TBC1D1: variants seen among roughly 807,000 people sequenced by gnomAD.
The protein encoded by TBC1D1 is TBC1 domain family member 1, also known as TBC1 (tre-2/USP6, BUB2, cdc16) domain family, member 1.
TBC1D1 carries 89 observed loss-of-function variants against 125.6 expected under a neutral mutation model. The observed-to-expected ratio is 0.71, with a 90% CI of 0.60 to 0.85. The LOEUF (loss-of-function observed/expected upper bound fraction) is 0.85. Among genes scored for constraint, TBC1D1 ranks in the 40% least tolerant of loss-of-function variants. The probability of loss-of-function intolerance (pLI) is 0.00; values close to 1 mark genes in which losing one functional copy is unlikely to be tolerated. For synonymous variants in TBC1D1, 565 were observed against 564.1 expected (o/e 1.00, Z -0.02); for missense variants, 1,377 against 1,469.2 (o/e 0.94, Z 1.03).
At chr4:38,034,213 T>C (rs1418996394) in intron 7 of TBC1D1, among the ~76,000 whole-genome samples, 2 of 152,264 alleles carry the variant, frequency 1.3e-5, no homozygotes, top group Non-Finnish European at 1.5e-5. Flanking sequence ...GATTGTGGCA[T>C]TACTGCCACT....
intron 2 of TBC1D1, chr4:37,961,089 CAT>C: frequency 6.4e-7 from 1 of 1,555,040 alleles, no homozygotes; most frequent in Non-Finnish European, 8.9e-7. Flanking sequence ...ATTAATAAAG[CAT>C]TATTTGTTTA....
rs770979820 is a variant in TBC1D1, at chr4:37,902,073, T to C, written c.-23T>C. 1.9e-6 allele frequency: 3 copies of C among 1,558,930 alleles called. No homozygotes were observed. The highest frequency in any genetic ancestry group is 2.6e-6 in the Non-Finnish European group (3 of 1,153,570). On this transcript the variant is annotated 5_prime_UTR_variant, in exon 2 of 20. Coordinates refer to ENST00000261439, the MANE Select transcript of TBC1D1 (RefSeq NM_015173.4). ...AGAAAAACAGTGATAACTGTTTTGC[T>C]GAGTTCCCAGACCCTTCCCAAGATG...
At chr4:38,070,368 G>A (rs1205941329) in intron 12 of TBC1D1, among the ~76,000 whole-genome samples, 8 of 152,236 alleles carry the variant, frequency 5.3e-5, no homozygotes, top group Admixed American at 5.2e-4. Context: ...GATGGTCCAG[G>A]TGTCGCTGGA....
intron 2 of TBC1D1, among the ~76,000 whole-genome samples, chr4:37,955,120 A>G (rs1039686255): frequency 6.6e-6 from 1 of 152,040 alleles, no homozygotes; most frequent in Non-Finnish European, 1.5e-5. Context: ...CTCACTTTTT[A>G]TTTTTATTTG....
chr4:37,905,880 C>G (rs1048034652), intron 2 of TBC1D1, among the ~76,000 whole-genome samples: 1 of 152,126 alleles, frequency 6.6e-6, no homozygotes, highest in African/African-American at 2.4e-5. Context: ...GATCTTGATC[C>G]CACCCGTTTA....
At chr4:38,115,986 C>T (rs995360082) in intron 16 of TBC1D1, 32 bp downstream of exon 18, 11 of 1,603,962 alleles carry the variant, frequency 6.9e-6, no homozygotes, top group East Asian at 6.7e-5. Context: ...TTTAATACAA[C>T]AAAATGCTAA....
chr4:38,106,031 G>C (rs769900415), intron 15 of TBC1D1, among the ~76,000 whole-genome samples: 20 of 152,280 alleles, frequency 1.3e-4, no homozygotes, highest in Admixed American at 5.2e-4. Context: ...TCCCCCGCCT[G>C]TCCTTAGTAT....
intron 14 of TBC1D1, among the ~76,000 whole-genome samples, chr4:38,099,575 TA>T (rs1208377137): frequency 6.6e-6 from 1 of 152,224 alleles, no homozygotes; most frequent in East Asian, 1.9e-4. Context: ...CTTTCTTCTT[TA>T]TACCTCTTGC....
chr4:38,048,636 A>G (rs1331601271), intron 10 of TBC1D1, among the ~76,000 whole-genome samples: 2 of 149,636 alleles, frequency 1.3e-5, no homozygotes, highest in Non-Finnish European at 2.9e-5. Context: ...TCTCCAGTCC[A>G]CTGTTAGATG....
intron 2 of TBC1D1, among the ~76,000 whole-genome samples, chr4:37,949,214 A>C (rs112802429): frequency 0.014 from 2,208 of 152,362 alleles, 15 homozygotes; most frequent in Middle Eastern, 0.024. Flanking sequence ...ATTTAACAAA[A>C]TATGTGGAGA....
At chr4:37,940,229 G>A (rs1190195858) in intron 2 of TBC1D1, among the ~76,000 whole-genome samples, 1 of 152,102 alleles carries the variant, frequency 6.6e-6, no homozygotes, top group Non-Finnish European at 1.5e-5. Flanking sequence ...TCCTTGAAGA[G>A]GTCCTTCACA....
rs564175232 is a variant in TBC1D1, at chr4:37,939,169, AC to A, written c.417+36658del. On this transcript the variant is annotated intron_variant, in intron 2 of 19. Transcript: ENST00000261439. The stretch of plus-strand genomic sequence containing the variant: ...AGTGTAAAAGTGTTCCTATTTCTCC[AC>A]ATCCTCTCCAGCACCTGTTGTTTCC... 4.7e-3 allele frequency among the ~76,000 whole-genome samples: 712 copies of A among 152,342 alleles called. 9 individuals are homozygous for A. The highest frequency in any genetic ancestry group is 0.016 in the African/African-American group (661 of 41,598).
chr4:38,114,155 G>T (rs1762593722), intron 15 of TBC1D1, among the ~76,000 whole-genome samples: 1 of 152,212 alleles, frequency 6.6e-6, no homozygotes, highest in Non-Finnish European at 1.5e-5. Context: ...AGCTGGGAGG[G>T]TGGGTAAGGA....
chr4:38,123,141 G>A (rs544602785), intron 17 of TBC1D1, among the ~76,000 whole-genome samples: 2 of 152,314 alleles, frequency 1.3e-5, no homozygotes, highest in East Asian at 3.9e-4. Context: ...CTAATTTAAG[G>A]CACTTGTCCC....
chr4:38,111,535 G>A (rs1489553269), intron 15 of TBC1D1, among the ~76,000 whole-genome samples: 1 of 152,164 alleles, frequency 6.6e-6, no homozygotes, highest in Non-Finnish European at 1.5e-5. Context: ...AGTTAGAAAT[G>A]TGACATTGTT....
At chr4:37,914,181 T>C (rs1294268598) in intron 2 of TBC1D1, among the ~76,000 whole-genome samples, 2 of 152,184 alleles carry the variant, frequency 1.3e-5, no homozygotes, top group African/African-American at 2.4e-5. Flanking sequence ...ACCTAATTGA[T>C]GGTAACTCTC....
chr4:38,110,532 G>T (rs940401560), intron 15 of TBC1D1: 5 of 985,318 alleles, frequency 5.1e-6, no homozygotes, highest in Non-Finnish European at 6.0e-6. Context: ...TTAGAAATAT[G>T]TTTGAATTGT....
At chr4:37,923,854 A>G (rs984188752) in intron 2 of TBC1D1, among the ~76,000 whole-genome samples, 1 of 151,708 alleles carries the variant, frequency 6.6e-6, no homozygotes, top group Non-Finnish European at 1.5e-5. Context: ...TAATTTTTGT[A>G]TTTTTGGTAG....
At chr4:37,906,903 A>G (rs1234279569) in intron 2 of TBC1D1, among the ~76,000 whole-genome samples, 1 of 152,196 alleles carries the variant, frequency 6.6e-6, no homozygotes, top group African/African-American at 2.4e-5. Flanking sequence ...GATCCCAAAG[A>G]CCATCGGTTT....
Sources: allele counts gnomAD v4.1 joint callset (sites outside exome capture counted in the v4.1 genomes callset), GRCh38; gene constraint gnomAD v4.1.1; transcripts MANE v1.5; gene names NCBI Gene and HGNC (gene_info 2026-07-23, HGNC 2026-07-21).